MAN2A1: variants seen among roughly 807,000 people sequenced by gnomAD.
MAN2A1 encodes the protein alpha-mannosidase 2.
MAN2A1 carries 76 observed loss-of-function variants against 142.6 expected under a neutral mutation model. The observed-to-expected ratio is 0.53, with a 90% CI of 0.44 to 0.65. MAN2A1 has a LOEUF of 0.65. MAN2A1 is among the 30% of genes least tolerant of loss of function. The pLI, the probability that MAN2A1 is intolerant of heterozygous loss-of-function variation, is 0.00. For missense variants in MAN2A1, 1,311 were observed against 1,365.1 expected (o/e 0.96, Z 0.62); for synonymous variants, 559 against 473.2 (o/e 1.18, Z -2.35).
chr5:109,850,316 T>C (rs1442523206), intron 19 of MAN2A1, among the ~76,000 whole-genome samples: 1 of 152,224 alleles, frequency 6.6e-6, no homozygotes, highest in African/African-American at 2.4e-5. Flanking sequence ...TTCATATGCA[T>C]GTTGCATTCC....
chr5:109,807,746 C>G (rs771404064), intron 12 of MAN2A1, among the ~76,000 whole-genome samples: 4 of 152,124 alleles, frequency 2.6e-5, no homozygotes, highest in Admixed American at 2.0e-4. Context: ...TATAAGGTAG[C>G]ATTCATAGGT....
At chr5:109,810,693 T>C (rs1439462440) in intron 12 of MAN2A1, among the ~76,000 whole-genome samples, 1 of 152,348 alleles carries the variant, frequency 6.6e-6, no homozygotes, top group Non-Finnish European at 1.5e-5. Flanking sequence ...TTGCTGAGAA[T>C]TGGCATGCCC....
At chr5:109,820,666 A>T (rs1455845515) in intron 15 of MAN2A1, among the ~76,000 whole-genome samples, 1 of 152,128 alleles carries the variant, frequency 6.6e-6, no homozygotes, top group East Asian at 1.9e-4. Flanking sequence ...AAAATTAGGC[A>T]TGGTGGCCTG....
At chr5:109,701,114 G>A (rs920542020) in intron 1 of MAN2A1, among the ~76,000 whole-genome samples, 3 of 152,158 alleles carry the variant, frequency 2.0e-5, no homozygotes, top group Non-Finnish European at 4.4e-5. Flanking sequence ...CTAGGTTCTG[G>A]GAATACAGGA....
At chr5:109,820,002 C>G in intron 14 of MAN2A1, 115 bp downstream of exon 14, 1 of 859,430 alleles carries the variant, frequency 1.2e-6, no homozygotes, top group South Asian at 1.7e-5. Context: ...ATCAAATACT[C>G]TTGAGTAAAA....
chr5:109,850,211 T>C (rs1158204837), intron 19 of MAN2A1, among the ~76,000 whole-genome samples: 1 of 152,204 alleles, frequency 6.6e-6, no homozygotes, highest in Non-Finnish European at 1.5e-5. Context: ...GCCTAATATA[T>C]GTCATATGAA....
intron 16 of MAN2A1, among the ~76,000 whole-genome samples, chr5:109,832,863 C>A (rs1754956087): frequency 6.8e-6 from 1 of 146,086 alleles, no homozygotes; most frequent in South Asian, 2.1e-4. Context: ...AGGGGCTCCT[C>A]ACTTCCCAGA....
At chr5:109,722,393 C>T (rs78891788) in intron 3 of MAN2A1, among the ~76,000 whole-genome samples, 7,844 of 152,120 alleles carry the variant, frequency 0.052, 201 homozygotes, top group Non-Finnish European at 0.064. Context: ...GATTTACAAG[C>T]AATATTTTCC....
rs1755953028 is a variant in MAN2A1, at chr5:109,869,144, T to G, written c.*2146T>G. ...CATCAGGGAAACAGAGAGGATGCTT[T>G]GCTTTGGGTTGTAGTCAAAAACTGA... On this transcript the variant is annotated 3_prime_UTR_variant, in exon 22 of 22. Transcript: ENST00000261483. The G allele has an allele frequency of 6.6e-6, 1 of 152,182 alleles. No homozygotes were observed. Among genetic ancestry groups the G allele is most frequent in the Non-Finnish European group, 1.5e-5 (1 of 68,028 alleles). The allele number at this position is 152,182 out of a possible 1,614,324, so 9.4% of individuals were successfully genotyped here.
chr5:109,724,320 C>T (rs1245404558), intron 3 of MAN2A1, among the ~76,000 whole-genome samples: 1 of 152,048 alleles, frequency 6.6e-6, no homozygotes, highest in South Asian at 2.1e-4. Flanking sequence ...ACCTGTTGGG[C>T]ACTGTGTTCA....
intron 20 of MAN2A1, among the ~76,000 whole-genome samples, chr5:109,857,573 T>C (rs914719138): frequency 2.0e-5 from 3 of 152,210 alleles, no homozygotes; most frequent in African/African-American, 7.2e-5. Flanking sequence ...GATTGTTTTC[T>C]GGAAGCAGCT....
chr5:109,752,747 T>A (rs1020570657), intron 4 of MAN2A1, among the ~76,000 whole-genome samples: 2 of 152,008 alleles, frequency 1.3e-5, no homozygotes, highest in Non-Finnish European at 2.9e-5. Flanking sequence ...AAGTGGGAAG[T>A]TTTTCATGCC....
chr5:109,816,123 T>C (rs1168425763), intron 12 of MAN2A1, among the ~76,000 whole-genome samples: 1 of 152,232 alleles, frequency 6.6e-6, no homozygotes, highest in Non-Finnish European at 1.5e-5. Flanking sequence ...GGCAGAGTTA[T>C]GCTAGTAAGA....
At chr5:109,779,164 T>G (rs1753374560) in intron 8 of MAN2A1, among the ~76,000 whole-genome samples, 1 of 152,186 alleles carries the variant, frequency 6.6e-6, no homozygotes, top group African/African-American at 2.4e-5. Flanking sequence ...TGAGTTATTT[T>G]TCTACCCTTA....
At chr5:109,724,333 A>G (rs368149018) in intron 3 of MAN2A1, among the ~76,000 whole-genome samples, 1 of 152,192 alleles carries the variant, frequency 6.6e-6, no homozygotes, top group East Asian at 1.9e-4. Flanking sequence ...TGTGTTCACT[A>G]TTTGGGTGAT....
chr5:109,774,881 T>G lies in MAN2A1; in HGVS notation c.1290T>G (p.Cys430Trp). 6.2e-7 allele frequency: 1 copy of G among 1,612,164 alleles called. No individual in the cohort carries two copies. Among genetic ancestry groups the G allele is most frequent in the Non-Finnish European group, 8.5e-7 (1 of 1,178,602 alleles). ...LAPLGDDFRY[C>W]EYTEWDLQFK... ...CACTAGGAGATGATTTCCGCTACTG[T>G]GAATACACGGAATGGGATTTACAGT... Residue 430 changes from cysteine to tryptophan, a missense_variant, in exon 8 of 22, where the codon TGT (cysteine) becomes TGG (tryptophan). By Grantham distance (215) the Cys-to-Trp change is radical. Around this residue, in one of 3 missense-constraint regions of MAN2A1, gnomAD observed 890 missense variants for 920.5 expected, o/e 0.97. Coordinates refer to ENST00000261483, the MANE Select transcript of MAN2A1 (RefSeq NM_002372.4).
intron 4 of MAN2A1, among the ~76,000 whole-genome samples, chr5:109,743,012 G>A (rs1008171623): frequency 1.3e-5 from 2 of 152,070 alleles, no homozygotes; most frequent in Admixed American, 6.5e-5. Flanking sequence ...CAGGTGCTCT[G>A]CCCATCCCTT....
At chr5:109,775,628 C>G (rs1196407619) in intron 8 of MAN2A1, among the ~76,000 whole-genome samples, 1 of 152,064 alleles carries the variant, frequency 6.6e-6, no homozygotes, top group East Asian at 1.9e-4. Flanking sequence ...ACTGCTGTCT[C>G]ACTCCTCCCC....
intron 12 of MAN2A1, among the ~76,000 whole-genome samples, chr5:109,808,734 C>A (rs1327939912): frequency 7.0e-6 from 1 of 142,830 alleles, no homozygotes; most frequent in African/African-American, 2.6e-5. Flanking sequence ...GACAGAGTCT[C>A]ACCCTGTCAC....
Sources: allele counts gnomAD v4.1 joint callset (sites outside exome capture counted in the v4.1 genomes callset), GRCh38; gene constraint gnomAD v4.1.1; regional missense constraint gnomAD v4.1.1; transcripts MANE v1.5; gene names NCBI Gene and HGNC (gene_info 2026-07-23, HGNC 2026-07-21).